The following PDE10A variants were observed in gnomAD, a reference collection of about 807,000 sequenced individuals.
The protein encoded by PDE10A is cAMP and cAMP-inhibited cGMP 3',5'-cyclic phosphodiesterase 10A.
In PDE10A, 39 loss-of-function variants were observed where a neutral mutation model predicts 97.7. That is an observed-to-expected ratio of 0.40 (90% CI 0.31 to 0.52). The LOEUF is 0.52. Among genes scored for constraint, PDE10A ranks in the 20% least tolerant of loss-of-function variants. The pLI, the probability that PDE10A is intolerant of heterozygous loss-of-function variation, is 0.56. For missense variants in PDE10A, 731 were observed against 1,047.8 expected, an observed-to-expected ratio of 0.70 and a Z score of 4.17; for synonymous variants, 371 against 376.8, an observed-to-expected ratio of 0.98 and a Z score of 0.18.
chr6:165,728,979 C>T (rs1792360584), intron 1 of PDE10A, among the ~76,000 whole-genome samples: 1 of 152,160 alleles, frequency 6.6e-6, no homozygotes, highest in Non-Finnish European at 1.5e-5. Context: ...GGGAGGATTG[C>T]TTGAGCCCAG....
intron 1 of PDE10A, among the ~76,000 whole-genome samples, chr6:165,826,484 C>CGTCCCTCTGTCTGTGTCCCTCTGTCCGT (rs1779754195): frequency 6.7e-6 from 1 of 150,252 alleles, no homozygotes; most frequent in Non-Finnish European, 1.5e-5. Flanking sequence ...CCTGTCCCCA[C>CGTCCCTCTGTCTGTGTCCCTCTGTCCGT]GTCCCTCTGT....
chr6:165,734,184 C>T (rs1792507800), intron 1 of PDE10A, among the ~76,000 whole-genome samples: 1 of 152,160 alleles, frequency 6.6e-6, no homozygotes, highest in African/African-American at 2.4e-5. Flanking sequence ...AAACACAATC[C>T]TCACACCTAA....
chr6:165,657,816 T>C (rs73788704), intron 1 of PDE10A, among the ~76,000 whole-genome samples: 1,859 of 152,332 alleles, frequency 0.012, 47 homozygotes, highest in African/African-American at 0.042. Context: ...CCTTAAGTCC[T>C]TTCTGATTTC....
chr6:165,545,267 T>C, intron 1 of PDE10A: 1 of 482,984 alleles, frequency 2.1e-6, no homozygotes, highest in South Asian at 1.5e-5. Context: ...ATCAGGAATC[T>C]TAACATATTT....
intron 1 of PDE10A, among the ~76,000 whole-genome samples, chr6:165,587,681 C>T (rs753385499): frequency 5.3e-5 from 8 of 151,894 alleles, no homozygotes; most frequent in Non-Finnish European, 8.8e-5. Context: ...TTCCTATTTA[C>T]CTGATTGATA....
At chr6:165,601,150 G>A (rs1472906384) in intron 1 of PDE10A, among the ~76,000 whole-genome samples, 1 of 152,114 alleles carries the variant, frequency 6.6e-6, no homozygotes, top group African/African-American at 2.4e-5. Context: ...GTTACCAGGG[G>A]TTTCCACTTT....
Position 165,819,459 on chromosome 6 carries a change from A to G in PDE10A, c.-615+168070T>C, listed in dbSNP as rs1013648451. On this transcript the variant is annotated intron_variant, in intron 1 of 19. Transcript: ENST00000366882. The surrounding 1 kb of genome is among the most constrained non-coding windows in gnomAD (Gnocchi z 4.2). ...CGTCCTCCAGACGGCCGCTGGCACC[A>G]CTCTCCGAGACACGCTTGCACCCTG... Among the ~76,000 whole-genome samples, 4 of 151,268 alleles carry G rather than the reference A, an allele frequency of 2.6e-5. No homozygotes were observed. The highest frequency in any genetic ancestry group is 3.9e-4 in the East Asian group (2 of 5,154).
chr6:165,537,086 T>C (rs1190179304), intron 2 of PDE10A, among the ~76,000 whole-genome samples: 1 of 151,924 alleles, frequency 6.6e-6, no homozygotes, highest in Non-Finnish European at 1.5e-5. Flanking sequence ...ATGTGATATA[T>C]ACAAAACGAA....
intron 1 of PDE10A, among the ~76,000 whole-genome samples, chr6:165,674,992 A>T: frequency 6.6e-6 from 1 of 152,144 alleles, no homozygotes; most frequent in East Asian, 1.9e-4. Flanking sequence ...CCCACTGCAA[A>T]CAAGACCTTT....
chr6:165,684,295 A>G (rs1373529232), intron 1 of PDE10A, among the ~76,000 whole-genome samples: 1 of 152,234 alleles, frequency 6.6e-6, no homozygotes, highest in Non-Finnish European at 1.5e-5. Context: ...TGCCTGGTCC[A>G]TATGGACACA....
At chr6:165,663,930 G>A (rs1010304962), upstream of PDE10A, among the ~76,000 whole-genome samples, 2 of 152,216 alleles carry the variant, frequency 1.3e-5, no homozygotes, top group African/African-American at 4.8e-5. Flanking sequence ...TCAGAACTAG[G>A]AGCCGCCAGA....
chr6:165,519,763 GT>G (rs1240729603), intron 2 of PDE10A, among the ~76,000 whole-genome samples: 1 of 152,096 alleles, frequency 6.6e-6, no homozygotes, highest in Non-Finnish European at 1.5e-5. Context: ...TGTGACTGTT[GT>G]TTAATATACA....
rs79430594 is a variant in PDE10A at position 165,355,586 on chromosome 6, G to A, written c.2784-12084C>T. Among the ~76,000 whole-genome samples the A allele has an allele frequency of 1.5e-3, 223 of 152,204 alleles. 1 individual carries two copies. The highest frequency in any genetic ancestry group is 5.1e-3 in the African/African-American group (210 of 41,554). On this transcript the variant is annotated intron_variant, in intron 18 of 21. Coordinates refer to ENST00000539869, the MANE Select transcript of PDE10A (RefSeq NM_001385079.1). ...TTCCATTGTTTAAATGTCCAAAGTT[G>A]TGTATCTAGCCCCTGTTGCTGGACA...
At chr6:165,652,975 T>G (rs552379083) in intron 1 of PDE10A, among the ~76,000 whole-genome samples, 1 of 152,266 alleles carries the variant, frequency 6.6e-6, no homozygotes, top group East Asian at 1.9e-4. Flanking sequence ...CCCCACCAGC[T>G]CGGGCATATG....
chr6:165,448,900 G>C, intron 5 of PDE10A, 28 bp downstream of exon 5: 1 of 1,477,926 alleles, frequency 6.8e-7, no homozygotes, highest in Non-Finnish European at 9.4e-7. Flanking sequence ...CTTATCTAGA[G>C]CACCAAAATC....
chr6:165,628,573 G>A (rs985403513), intron 1 of PDE10A, among the ~76,000 whole-genome samples: 10 of 145,396 alleles, frequency 6.9e-5, no homozygotes, highest in Non-Finnish European at 8.8e-5. Flanking sequence ...ATCCAGGCTC[G>A]CCTCAAGTGA....
chr6:165,540,733 G>A lies in PDE10A; in HGVS notation c.994+2707C>T, dbSNP rs115351218. On this transcript the variant is annotated intron_variant, in intron 2 of 21. Coordinates refer to ENST00000539869, the MANE Select transcript of PDE10A (RefSeq NM_001385079.1). ...CAACCCACACCTCCCAGGTTCACGC[G>A]ATTATTGTGCCTCAGCCTCCCAAGT... Among the ~76,000 whole-genome samples the A allele has an allele frequency of 5.4e-3, 817 of 152,246 alleles. 4 individuals carry two copies. The highest frequency in any genetic ancestry group is 0.019 in the African/African-American group (785 of 41,524).
chr6:165,955,747 A>T (rs1784116554), intron 1 of PDE10A, among the ~76,000 whole-genome samples: 1 of 152,280 alleles, frequency 6.6e-6, no homozygotes, highest in South Asian at 2.1e-4. Flanking sequence ...AAGAACTTAA[A>T]TTCTAGTAAC....
chr6:165,746,607 TC>T (rs1792850432), intron 1 of PDE10A, among the ~76,000 whole-genome samples: 3 of 152,172 alleles, frequency 2.0e-5, no homozygotes, highest in African/African-American at 7.2e-5. Flanking sequence ...CCATTCATGG[TC>T]CCTGGGTGCT....
Sources: allele counts gnomAD v4.1 joint callset (sites outside exome capture counted in the v4.1 genomes callset), GRCh38; gene constraint gnomAD v4.1.1; non-coding constraint Gnocchi (gnomAD v3.1); transcripts MANE v1.5; gene names NCBI Gene and HGNC (gene_info 2026-07-23, HGNC 2026-07-21).